Variants in PTPRD observed in about 807,000 individuals in gnomAD.
PTPRD encodes protein tyrosine phosphatase receptor type D.
Under a neutral mutation model 214.5 loss-of-function variants are expected in PTPRD, and 34 were observed. The observed-to-expected ratio is 0.16, with a 90% CI of 0.12 to 0.21. The LOEUF is 0.21. Among genes scored for constraint, PTPRD ranks in the 10% least tolerant of loss-of-function variants. PTPRD has a pLI of 1.00. For missense variants in PTPRD, 2,545 were observed against 2,398.7 expected (o/e 1.06, Z -1.27); for synonymous variants, 1,128 against 845.7 (o/e 1.33, Z -5.79).
intron 2 of PTPRD, among the ~76,000 whole-genome samples, chr9:10,530,351 T>C (rs2055842403): frequency 6.6e-6 from 1 of 152,142 alleles, no homozygotes; most frequent in Non-Finnish European, 1.5e-5. Context: ...AAAATGATTA[T>C]AATTTACGAA....
At chr9:9,455,173 C>T (rs1353034391) in intron 8 of PTPRD, among the ~76,000 whole-genome samples, 1 of 151,542 alleles carries the variant, frequency 6.6e-6, no homozygotes, top group Non-Finnish European at 1.5e-5. Flanking sequence ...GATGGTTATT[C>T]TGCAGTTGAT....
Position 9,097,800 on chromosome 9 carries a change from C to G in PTPRD, c.-142-79065G>C, listed in dbSNP as rs555692760. Among the ~76,000 whole-genome samples, 154 of 148,070 alleles carry G rather than the reference C, an allele frequency of 1.0e-3. 1 individual carries two copies. Among genetic ancestry groups the G allele is most frequent in the African/African-American group, 3.8e-3 (151 of 39,908 alleles). ...GTGAGCAGAAGACCTGTCTTTGTTA[C>G]GAACTATTTTTCACGGATGCTTGTA... On this transcript the variant is annotated intron_variant, in intron 10 of 45. Coordinates refer to ENST00000381196, the MANE Select transcript of PTPRD (RefSeq NM_002839.4).
intron 8 of PTPRD, among the ~76,000 whole-genome samples, chr9:9,404,831 G>T (rs936969416): frequency 2.6e-5 from 4 of 151,982 alleles, no homozygotes; most frequent in Non-Finnish European, 2.9e-5. Context: ...ATTAAGAGTG[G>T]GAACTGAAGA....
chr9:9,306,377 A>C (rs1383467264), intron 9 of PTPRD, among the ~76,000 whole-genome samples: 1 of 151,786 alleles, frequency 6.6e-6, no homozygotes, highest in Admixed American at 6.6e-5. Context: ...CAGCCTGGCT[A>C]ACATAGTGAA....
chr9:10,234,284 A>G (rs977732071), intron 3 of PTPRD, among the ~76,000 whole-genome samples: 7 of 151,952 alleles, frequency 4.6e-5, no homozygotes, highest in African/African-American at 1.7e-4. Flanking sequence ...CCATCTTACA[A>G]AATCATGTTT....
chr9:8,817,369 T>C (rs1263120854), intron 11 of PTPRD, among the ~76,000 whole-genome samples: 3 of 152,218 alleles, frequency 2.0e-5, no homozygotes, highest in South Asian at 2.1e-4. Context: ...AGAAGTTCTA[T>C]GTTCTCAAGA....
At chr9:8,428,807 A>G (rs757195744) in intron 35 of PTPRD, among the ~76,000 whole-genome samples, 7 of 152,224 alleles carry the variant, frequency 4.6e-5, no homozygotes, top group South Asian at 4.1e-4. Context: ...GTTTTGCATT[A>G]TAAGTGCTCA....
intron 3 of PTPRD, among the ~76,000 whole-genome samples, chr9:10,145,559 T>C (rs767754396): frequency 3.9e-5 from 6 of 152,140 alleles, no homozygotes; most frequent in Non-Finnish European, 5.9e-5. Flanking sequence ...ATACAAAATA[T>C]GAGTTAATCA....
At chr9:10,219,029 C>A (rs1009211124) in intron 3 of PTPRD, among the ~76,000 whole-genome samples, 19 of 151,744 alleles carry the variant, frequency 1.3e-4, no homozygotes, top group Non-Finnish European at 2.5e-4. Context: ...AACCGAGGCA[C>A]CACTTGAAAG....
At chr9:10,208,344 C>A (rs1206274429) in intron 3 of PTPRD, among the ~76,000 whole-genome samples, 60 of 152,142 alleles carry the variant, frequency 3.9e-4, no homozygotes, top group Non-Finnish European at 7.3e-5. Context: ...GAAACCCCGT[C>A]TCTACTAAAA....
intron 4 of PTPRD, among the ~76,000 whole-genome samples, chr9:9,957,824 G>C (rs1480190969): frequency 6.6e-6 from 1 of 151,928 alleles, no homozygotes; most frequent in Non-Finnish European, 1.5e-5. Flanking sequence ...CCTGGTGTTG[G>C]TGAAACAAAA....
chr9:8,468,673 T>C (rs1267945340), intron 31 of PTPRD, among the ~76,000 whole-genome samples: 1 of 151,822 alleles, frequency 6.6e-6, no homozygotes, highest in Non-Finnish European at 1.5e-5. Context: ...TCCAACAATT[T>C]GAATTATAGG....
rs556720318 is a variant in PTPRD, at chr9:10,451,912, C to T, written c.-599-110895G>A. On this transcript the variant is annotated intron_variant, in intron 2 of 45. Transcript: ENST00000381196. ...TAGCGTCAGTTAAAGGTATTATTTT[C>T]GAATTAAAGCTTAATTATTTCTTCT... Among the ~76,000 whole-genome samples, 25 of 148,432 alleles carry T rather than the reference C, an allele frequency of 1.7e-4. No individual in the cohort carries two copies. In the South Asian group the frequency reaches 2.7e-3, roughly 16 times the overall value.
chr9:9,325,360 T>G (rs1293061932), intron 9 of PTPRD, among the ~76,000 whole-genome samples: 1 of 151,864 alleles, frequency 6.6e-6, no homozygotes, highest in Non-Finnish European at 1.5e-5. Context: ...TATCCTTTTT[T>G]ATTTCATTGA....
chr9:8,500,706 C>A (rs2136938664), intron 24 of PTPRD, 48 bp downstream of exon 24: 1 of 1,570,868 alleles, frequency 6.4e-7, no homozygotes, highest in Non-Finnish European at 8.7e-7. Context: ...GACAGCAGAT[C>A]AAGACTGTGT....
chr9:9,664,468 C>T (rs549059331), intron 7 of PTPRD, among the ~76,000 whole-genome samples: 2 of 151,608 alleles, frequency 1.3e-5, no homozygotes, highest in Admixed American at 6.6e-5. Flanking sequence ...CATATCTGCC[C>T]GGACATGCAA....
rs568400650 is a variant in PTPRD, at chr9:10,397,575, C to T, written c.-599-56558G>A. On this transcript the variant is annotated intron_variant, in intron 2 of 45. Transcript: ENST00000381196. ...AAACAGCATTTCAGCCAATGACCGACCACATATCTAACAGTGATCCCATAA... is the reference window on the plus strand; with the variant it reads ...AAACAGCATTTCAGCCAATGACCGATCACATATCTAACAGTGATCCCATAA... 3.9e-5 allele frequency among the ~76,000 whole-genome samples: 6 copies of T among 152,106 alleles called. No homozygotes were observed. In the East Asian group the frequency reaches 7.8e-4, roughly 20 times the overall value.
At chr9:8,455,067 T>C (rs1247696722) in intron 33 of PTPRD, among the ~76,000 whole-genome samples, 3 of 152,320 alleles carry the variant, frequency 2.0e-5, no homozygotes, top group East Asian at 3.9e-4. Flanking sequence ...TTTCATGATA[T>C]AAAATATCTG....
intron 11 of PTPRD, among the ~76,000 whole-genome samples, chr9:8,967,441 G>C (rs1280035068): frequency 6.6e-6 from 1 of 152,076 alleles, no homozygotes; most frequent in Non-Finnish European, 1.5e-5. Flanking sequence ...TTAACAGTGG[G>C]CTGGATAAAG....
Sources: gnomAD v4.1 joint callset for allele counts (sites outside exome capture counted in the v4.1 genomes callset) on GRCh38, gnomAD v4.1.1 for gene constraint, MANE v1.5 for transcripts, NCBI Gene and HGNC (gene_info 2026-07-23, HGNC 2026-07-21) for gene names.